The following NOVA1 variants were observed in gnomAD, a reference collection of about 807,000 sequenced individuals.
NOVA1 encodes NOVA alternative splicing regulator 1.
A neutral mutation model predicts 38.0 loss-of-function variants in NOVA1; 7 were observed. That is an observed-to-expected ratio of 0.18 (90% CI 0.10 to 0.35). The LOEUF (loss-of-function observed/expected upper bound fraction) is 0.35. Among genes scored for constraint, NOVA1 ranks in the 10% least tolerant of loss-of-function variants. The probability of loss-of-function intolerance (pLI) is 1.00; values close to 1 mark genes in which losing one functional copy is unlikely to be tolerated. For synonymous variants in NOVA1, 270 were observed against 232.5 expected (o/e 1.16, Z -1.47); for missense variants, 460 against 616.0 (o/e 0.75, Z 2.68).
intron 2 of NOVA1, among the ~76,000 whole-genome samples, chr14:26,518,714 C>T (rs1888655524): frequency 6.6e-6 from 1 of 151,970 alleles, no homozygotes; most frequent in Non-Finnish European, 1.5e-5. Flanking sequence ...ACCATAGTAA[C>T]CCTATTCTGC....
intron 2 of NOVA1, among the ~76,000 whole-genome samples, chr14:26,545,308 T>C (rs948645493): frequency 4.0e-5 from 6 of 151,806 alleles, no homozygotes; most frequent in African/African-American, 1.5e-4. Flanking sequence ...GAAGAAGAAA[T>C]AGAAAGCAAA....
At chr14:26,498,833 C>G (rs1221980939) in intron 2 of NOVA1, among the ~76,000 whole-genome samples, 1 of 152,182 alleles carries the variant, frequency 6.6e-6, no homozygotes, top group Non-Finnish European at 1.5e-5. Context: ...TACCTCCAGT[C>G]TCCTTATAAA....
intron 4 of NOVA1, among the ~76,000 whole-genome samples, chr14:26,456,644 T>C (rs1883202761): frequency 6.6e-6 from 1 of 152,050 alleles, no homozygotes; most frequent in Admixed American, 6.6e-5. Flanking sequence ...CCGTATATAT[T>C]GTCTTTTGCA....
At chr14:26,499,803 C>A (rs1395583938) in intron 2 of NOVA1, among the ~76,000 whole-genome samples, 1 of 152,090 alleles carries the variant, frequency 6.6e-6, no homozygotes, top group Non-Finnish European at 1.5e-5. Context: ...GTGTTTTGTA[C>A]ATAGCAGAAA....
At chr14:26,558,979 C>A (rs909608529) in intron 2 of NOVA1, among the ~76,000 whole-genome samples, 6 of 152,066 alleles carry the variant, frequency 3.9e-5, no homozygotes, top group African/African-American at 1.4e-4. Context: ...ATATCATGCA[C>A]CTCGCTTGGA....
At chr14:26,524,190 G>A (rs1889131566) in intron 2 of NOVA1, among the ~76,000 whole-genome samples, 1 of 152,128 alleles carries the variant, frequency 6.6e-6, no homozygotes, top group African/African-American at 2.4e-5. Flanking sequence ...AATAACGAAG[G>A]AGGTTTTCTA....
At chr14:26,489,976 T>G (rs1886211220) in intron 2 of NOVA1, among the ~76,000 whole-genome samples, 1 of 152,158 alleles carries the variant, frequency 6.6e-6, no homozygotes, top group Non-Finnish European at 1.5e-5. Flanking sequence ...AGTTTTTCAT[T>G]ATCACAAACT....
intron 2 of NOVA1, 65 bp from the exon 3 acceptor site, chr14:26,480,208 GGAT>G (rs1400340092): frequency 1.4e-5 from 20 of 1,440,516 alleles, no homozygotes; most frequent in Non-Finnish European, 1.8e-5. Context: ...TTATGAAAAA[GGAT>G]GATATCATAA....
rs559179378 is a variant in NOVA1 at position 26,483,935 on chromosome 14, A to G, written c.281-3792T>C. Among the ~76,000 whole-genome samples, 809 of 152,266 alleles carry G rather than the reference A, an allele frequency of 5.3e-3. 2 individuals carry two copies. Among genetic ancestry groups the G allele is most frequent in the Middle Eastern group, 0.017 (5 of 294 alleles). Reference sequence around the variant, plus strand: ...TGACAAGGACAGAGTTTTGGCACCAAATAATTACTGTTAACTTCAACATGT... The same window carrying G: ...TGACAAGGACAGAGTTTTGGCACCAGATAATTACTGTTAACTTCAACATGT... On this transcript the variant is annotated intron_variant, in intron 2 of 4. Transcript: ENST00000539517.
intron 2 of NOVA1, among the ~76,000 whole-genome samples, chr14:26,544,688 GA>G (rs1890681406): frequency 6.6e-6 from 1 of 151,728 alleles, no homozygotes; most frequent in Admixed American, 6.6e-5. Flanking sequence ...AGGAATGAAA[GA>G]ATGAGAGAGA....
intron 2 of NOVA1, among the ~76,000 whole-genome samples, chr14:26,517,037 C>G (rs1460419175): frequency 2.6e-5 from 4 of 151,804 alleles, no homozygotes; most frequent in Admixed American, 6.6e-5. Context: ...TTCCGAGTAG[C>G]TGGGACTACA....
At chr14:26,489,205 A>C (rs2138343550) in intron 2 of NOVA1, among the ~76,000 whole-genome samples, 1 of 152,250 alleles carries the variant, frequency 6.6e-6, no homozygotes, top group South Asian at 2.1e-4. Context: ...TTAAGCAGTA[A>C]CTTTATGTCA....
intron 2 of NOVA1, among the ~76,000 whole-genome samples, chr14:26,589,561 T>C (rs10134787): frequency 0.035 from 5,248 of 151,894 alleles, 293 homozygotes; most frequent in African/African-American, 0.12. Flanking sequence ...AAGCCATCAA[T>C]ATTCTAAAAA....
chr14:26,523,007 G>A (rs1185273775), intron 2 of NOVA1, among the ~76,000 whole-genome samples: 2 of 152,054 alleles, frequency 1.3e-5, no homozygotes, highest in Non-Finnish European at 2.9e-5. Context: ...ATTCTCATCC[G>A]TAGTTGTTCC....
intron 2 of NOVA1, among the ~76,000 whole-genome samples, chr14:26,493,693 C>G (rs933606452): frequency 6.6e-6 from 1 of 151,552 alleles, no homozygotes. Flanking sequence ...AGATGACTGG[C>G]TCTCTGTCAC....
At chr14:26,597,098 G>T (rs1894240525) in intron 1 of NOVA1, 1 of 1,232,112 alleles carries the variant, frequency 8.1e-7, no homozygotes, top group Non-Finnish European at 1.0e-6. Flanking sequence ...ACACAGAAAT[G>T]GAAATGTGTC....
intron 2 of NOVA1, among the ~76,000 whole-genome samples, chr14:26,518,578 A>G (rs893998899): frequency 2.0e-5 from 3 of 152,074 alleles, no homozygotes; most frequent in African/African-American, 7.2e-5. Context: ...GCTTCAATAC[A>G]TATACACACT....
chr14:26,536,824 G>C (rs908223766), intron 2 of NOVA1, among the ~76,000 whole-genome samples: 19 of 152,096 alleles, frequency 1.2e-4, no homozygotes, highest in African/African-American at 4.6e-4. Flanking sequence ...GTTTTAGAGG[G>C]AGAGGGCATT....
intron 4 of NOVA1, among the ~76,000 whole-genome samples, chr14:26,455,583 A>T (rs1883101054): frequency 6.6e-6 from 1 of 152,078 alleles, no homozygotes; most frequent in Non-Finnish European, 1.5e-5. Flanking sequence ...GACAAAATTT[A>T]ACTTACTTAT....
Sources: gnomAD v4.1 joint callset for allele counts (sites outside exome capture counted in the v4.1 genomes callset) on GRCh38, gnomAD v4.1.1 for gene constraint, MANE v1.5 for transcripts, NCBI Gene and HGNC (gene_info 2026-07-23, HGNC 2026-07-21) for gene names.